ADRA1A: variants seen among roughly 807,000 people sequenced by gnomAD.
The protein encoded by ADRA1A is alpha-1A adrenergic receptor.
Under a neutral mutation model 29.6 loss-of-function variants are expected in ADRA1A, and 31 were observed. The observed-to-expected ratio is 1.05, with a 90% CI of 0.79 to 1.41. The LOEUF (loss-of-function observed/expected upper bound fraction) is 1.41. ADRA1A is among the 40% of genes most tolerant of loss of function. ADRA1A has a pLI of 0.00. For synonymous variants in ADRA1A, 311 were observed against 254.3 expected, an observed-to-expected ratio of 1.22 and a Z score of -2.12; for missense variants, 619 against 601.1, an observed-to-expected ratio of 1.03 and a Z score of -0.31.
intron 2 of ADRA1A, among the ~76,000 whole-genome samples, chr8:26,827,155 C>CT (rs1309281617): frequency 6.6e-6 from 1 of 152,082 alleles, no homozygotes; most frequent in Non-Finnish European, 1.5e-5. Context: ...AAAGGTTAAC[C>CT]TTTTTATTAT....
At chr8:26,795,706 CACAA>C (rs1158745694) in intron 2 of ADRA1A, among the ~76,000 whole-genome samples, 2 of 151,858 alleles carry the variant, frequency 1.3e-5, no homozygotes, top group South Asian at 2.1e-4. Context: ...TTAGTTTTAC[CACAA>C]ACAAACAGAC....
chr8:26,866,284 C>A lies in ADRA1A; in HGVS notation c.-686-629G>T, dbSNP rs1216653619. Among the ~76,000 whole-genome samples, 1 of 152,174 alleles carries A rather than the reference C, an allele frequency of 6.6e-6. No individual in the cohort carries two copies. Among genetic ancestry groups the A allele is most frequent in the Non-Finnish European group, 1.5e-5 (1 of 68,042 alleles). ...CCGGGAGGGACCCGAAGACAGAAAG[C>A]GACCCAGGTCTGTCCACGACGCCTT... On this transcript the variant is annotated intron_variant, in intron 1 of 2. Transcript: ENST00000380573. This position sits in a 1 kb window ranked among gnomAD's most constrained non-coding sequence, Gnocchi z 5.7.
At chr8:26,790,992 A>C (rs1807776138) in intron 2 of ADRA1A, among the ~76,000 whole-genome samples, 1 of 152,168 alleles carries the variant, frequency 6.6e-6, no homozygotes, top group Non-Finnish European at 1.5e-5. Context: ...ATGTGTACAC[A>C]CACATACACA....
At position 26,769,681 on chromosome 8, in the gene ADRA1A, C is replaced by T; in HGVS notation, c.*468G>A. On this transcript the variant is annotated 3_prime_UTR_variant, in exon 3 of 3. Transcript: ENST00000380573. ...CTGGATCTCGGCCACCATCTTAATG[C>T]TCTTCCTCTCTAGGCCCTCTCCCCA... The T allele has an allele frequency of 4.1e-6, 4 of 985,988 alleles. No homozygotes were observed. Among genetic ancestry groups the T allele is most frequent in the Non-Finnish European group, 4.8e-6 (4 of 830,508 alleles). The allele number at this position is 985,988 out of a possible 1,614,324, so 61.1% of individuals were successfully genotyped here. A position where few individuals can be genotyped will look rare whatever the true frequency, so the allele number is the denominator to read the frequency against.
At chr8:26,785,078 T>C (rs1459654633) in intron 2 of ADRA1A, among the ~76,000 whole-genome samples, 1 of 152,196 alleles carries the variant, frequency 6.6e-6, no homozygotes, top group Non-Finnish European at 1.5e-5. Context: ...AAGTTGATTG[T>C]TTTTTGAATG....
intron 2 of ADRA1A, among the ~76,000 whole-genome samples, chr8:26,784,183 A>C (rs1563250054): frequency 6.6e-6 from 1 of 152,248 alleles, no homozygotes; most frequent in Non-Finnish European, 1.5e-5. Context: ...ACTTAAAATA[A>C]AAGTTGAAGA....
At position 26,779,256 on chromosome 8, in the gene ADRA1A, C is replaced by CT. The variant is rs61760537; in HGVS notation, c.884-8591dup. The CT allele has an allele frequency of 6.9e-3, 4,809 of 697,408 alleles. 21 individuals are homozygous for CT. Among genetic ancestry groups the CT allele is most frequent in the South Asian group, 9.0e-3 (598 of 66,582 alleles). 43.2% of individuals were successfully genotyped at this position (697,408 alleles called of 1,614,324 possible). On this transcript the variant is annotated intron_variant, in intron 2 of 2. Transcript: ENST00000380573. ...AGAATATGTATCTAGTTCCTTCTCC[C>CT]TTTTTTTTGCCTCTTACATTCCAAC...
At chr8:26,788,898 T>A (rs1229222156) in intron 2 of ADRA1A, among the ~76,000 whole-genome samples, 1 of 152,148 alleles carries the variant, frequency 6.6e-6, no homozygotes, top group Non-Finnish European at 1.5e-5. Flanking sequence ...ACAAAGCAAT[T>A]TGAATCAATT....
At chr8:26,846,522 A>G (rs923014303) in intron 2 of ADRA1A, among the ~76,000 whole-genome samples, 3 of 152,174 alleles carry the variant, frequency 2.0e-5, no homozygotes, top group South Asian at 2.1e-4. Context: ...TAATCCTAGC[A>G]CTTTGGGAGG....
Position 26,864,459 on chromosome 8 carries a change from C to CG in ADRA1A, c.510dup (p.Glu171ArgfsTer130). The CG allele has an allele frequency of 6.2e-7, 1 of 1,613,438 alleles. No homozygotes were observed. On this transcript the variant is annotated frameshift_variant, in exon 2 of 3. Transcript: ENST00000380573. LOFTEE classifies it high-confidence loss of function. The surrounding 1 kb of genome is among the most constrained non-coding windows in gnomAD (Gnocchi z 8.1). ...TTGATCTGGCAGATGGTCTCGTCCT[C>CG]GGGGGCCGGCTGCCTCCAGCCGAAC... is the stretch of plus-strand genomic sequence containing the variant.
intron 2 of ADRA1A, among the ~76,000 whole-genome samples, chr8:26,790,130 A>G (rs1197531395): frequency 1.3e-5 from 2 of 152,210 alleles, no homozygotes; most frequent in Non-Finnish European, 2.9e-5. Flanking sequence ...AAAGGAAATC[A>G]GTACCTTTAA....
chr8:26,772,488 C>T (rs2130293361), intron 2 of ADRA1A, among the ~76,000 whole-genome samples: 1 of 152,292 alleles, frequency 6.6e-6, no homozygotes, highest in East Asian at 1.9e-4. Context: ...GGTAGAATGG[C>T]TTTGGGAAAC....
At chr8:26,765,802 C>A (rs2130240460), downstream of ADRA1A, 1 of 1,318,150 alleles carries the variant, frequency 7.6e-7, no homozygotes, top group Non-Finnish European at 9.7e-7. Flanking sequence ...AGCAGACCAG[C>A]CCCAGAAGCA....
chr8:26,861,594 A>G (rs993139909), intron 2 of ADRA1A, among the ~76,000 whole-genome samples: 2 of 152,158 alleles, frequency 1.3e-5, no homozygotes, highest in Non-Finnish European at 2.9e-5. Context: ...TGTAAAGTGT[A>G]TAACTCCCTA....
chr8:26,749,361 A>G (rs1804824623), intron 2 of ADRA1A, among the ~76,000 whole-genome samples: 1 of 152,242 alleles, frequency 6.6e-6, no homozygotes, highest in African/African-American at 2.4e-5. Context: ...CTGTTTTTAT[A>G]AAGATATTTA....
At chr8:26,756,384 C>A (rs1240135047), downstream of ADRA1A, 1 of 1,257,426 alleles carries the variant, frequency 8.0e-7, no homozygotes, top group South Asian at 1.6e-5. Flanking sequence ...ACTGGGGTGC[C>A]TTATGGAATT....
rs1813788886 is a variant in ADRA1A at position 26,864,906 on chromosome 8, T to A, written c.64A>T (p.Asn22Tyr). Residue 22 changes from asparagine to tyrosine, a missense_variant, in exon 2 of 3, where the codon AAC becomes TAC. By Grantham distance (143) the Asn-to-Tyr change is moderately radical (BLOSUM62 -2). Transcript: ENST00000380573. This position sits in a 1 kb window ranked among gnomAD's most constrained non-coding sequence, Gnocchi z 8.1. Reference sequence around the variant, plus strand: ...CCGAGCAGAATGGCCTTGGAAATGTTCACCGGTGCCGGCGGTTGGGTGCAG... The same window carrying A: ...CCGAGCAGAATGGCCTTGGAAATGTACACCGGTGCCGGCGGTTGGGTGCAG... ...SNCTQPPAPV[N>Y]ISKAILLGVI... is the part of the protein sequence containing the mutation. The A allele has an allele frequency of 6.2e-7, 1 of 1,613,648 alleles. No homozygotes were observed. Among genetic ancestry groups the A allele is most frequent in the Admixed American group, 1.7e-5 (1 of 60,002 alleles).
At chr8:26,755,574 C>T (rs1262952999), downstream of ADRA1A, among the ~76,000 whole-genome samples, 1 of 152,186 alleles carries the variant, frequency 6.6e-6, no homozygotes, top group Non-Finnish European at 1.5e-5. Context: ...ACAGATTCCT[C>T]CCTTCTTTGC....
intron 2 of ADRA1A, among the ~76,000 whole-genome samples, chr8:26,812,701 G>T (rs961896054): frequency 4.0e-5 from 6 of 151,270 alleles, no homozygotes; most frequent in Non-Finnish European, 8.8e-5. Context: ...GTCTCACTCT[G>T]TCACCCAGGC....
Sources: allele counts gnomAD v4.1 joint callset (sites outside exome capture counted in the v4.1 genomes callset), GRCh38; gene constraint gnomAD v4.1.1; non-coding constraint Gnocchi (gnomAD v3.1); transcripts MANE v1.5; gene names NCBI Gene and HGNC (gene_info 2026-07-23, HGNC 2026-07-21).